The following KCNC2 variants were observed in gnomAD, a reference collection of about 807,000 sequenced individuals.
KCNC2 encodes voltage-gated potassium channel KCNC2.
Under a neutral mutation model 44.5 loss-of-function variants are expected in KCNC2, and 21 were observed. That is an observed-to-expected ratio of 0.47 (90% CI 0.33 to 0.68). The LOEUF (loss-of-function observed/expected upper bound fraction) is 0.68, where lower values mean the gene tolerates loss of function less well. KCNC2 is among the 30% of genes least tolerant of loss of function. The pLI, the probability that KCNC2 is intolerant of heterozygous loss-of-function variation, is 0.01. For missense variants in KCNC2, 589 were observed against 826.2 expected (o/e 0.71, Z 3.52); for synonymous variants, 391 against 339.1 (o/e 1.15, Z -1.68).
intron 2 of KCNC2, among the ~76,000 whole-genome samples, chr12:75,107,619 G>T (rs1202950855): frequency 6.6e-6 from 1 of 151,646 alleles, no homozygotes; most frequent in Non-Finnish European, 1.5e-5. Context: ...CTGTTTATTT[G>T]AATGTATTTC....
chr12:75,175,368 TAAG>T (rs1892113029), intron 2 of KCNC2, among the ~76,000 whole-genome samples: 2 of 151,976 alleles, frequency 1.3e-5, no homozygotes, highest in African/African-American at 4.8e-5. Flanking sequence ...GAATGGCAAA[TAAG>T]TTCCTATGGG....
chr12:75,187,487 T>C (rs1158683401), intron 2 of KCNC2, among the ~76,000 whole-genome samples: 1 of 152,220 alleles, frequency 6.6e-6, no homozygotes, highest in African/African-American at 2.4e-5. Context: ...TTCTCACATA[T>C]CTTCCTTCGA....
Position 75,181,852 on chromosome 12 carries a change from C to T in KCNC2, c.687+25445G>A, listed in dbSNP as rs76149551. Among the ~76,000 whole-genome samples, 19 of 144,050 alleles carry T rather than the reference C, an allele frequency of 1.3e-4. No individual in the cohort carries two copies. The East Asian group carries it at 4.3e-3, about 33-fold the overall frequency. 94.5% of individuals were successfully genotyped at this position (144,050 alleles called of 152,430 possible). ...AAGCATAGGTATAAGTGCTTCACATCTCTTCAATCATTTAATCATTACTAC... is the reference window on the plus strand; with the variant it reads ...AAGCATAGGTATAAGTGCTTCACATTTCTTCAATCATTTAATCATTACTAC... On this transcript the variant is annotated intron_variant, in intron 2 of 4. Coordinates refer to ENST00000549446, the MANE Select transcript of KCNC2 (RefSeq NM_139137.4).
At chr12:75,144,125 A>T (rs1008793321) in intron 2 of KCNC2, among the ~76,000 whole-genome samples, 3 of 152,226 alleles carry the variant, frequency 2.0e-5, no homozygotes, top group Non-Finnish European at 2.9e-5. Context: ...TTTATTGTAC[A>T]AAGATAGATT....
intron 2 of KCNC2, among the ~76,000 whole-genome samples, chr12:75,171,342 G>C (rs1218471227): frequency 6.6e-6 from 1 of 151,794 alleles, no homozygotes; most frequent in Non-Finnish European, 1.5e-5. Context: ...GAGTACAGTA[G>C]GACTGGGAAG....
At chr12:75,162,156 A>G (rs1249388023) in intron 2 of KCNC2, among the ~76,000 whole-genome samples, 1 of 151,724 alleles carries the variant, frequency 6.6e-6, no homozygotes, top group East Asian at 1.9e-4. Context: ...GCATTTCTGT[A>G]TGGCAAGTCT....
Position 75,048,167 on chromosome 12 carries a change from C to G in KCNC2, c.1766G>C (p.Gly589Ala). Residue 589 changes from glycine to alanine, a missense_variant, in exon 4 of 5, where the codon GGA (glycine) becomes GCA (alanine). Transcript: ENST00000549446. ...TGCATGCCTACCTTTCCTGATCCCT[C>G]CATCAGAAGCACACGTGTAATCACC... ...TTGDYTCASD[G>A]GIRKGYEKSR... 1 of 1,612,884 alleles carries G rather than the reference C, an allele frequency of 6.2e-7. No individual in the cohort carries two copies. Among genetic ancestry groups the G allele is most frequent in the Non-Finnish European group, 8.5e-7 (1 of 1,179,220 alleles).
At chr12:75,177,132 A>T (rs1479475007) in intron 2 of KCNC2, among the ~76,000 whole-genome samples, 1 of 151,054 alleles carries the variant, frequency 6.6e-6, no homozygotes, top group African/African-American at 2.4e-5. Flanking sequence ...AGGGAGTGTT[A>T]GTTTGCTAAG....
At chr12:75,190,189 G>A (rs897059527) in intron 2 of KCNC2, among the ~76,000 whole-genome samples, 1 of 151,986 alleles carries the variant, frequency 6.6e-6, no homozygotes, top group Non-Finnish European at 1.5e-5. Context: ...TATGTTGTAG[G>A]GTCATATCCT....
At chr12:75,188,735 C>T (rs1171669042) in intron 2 of KCNC2, among the ~76,000 whole-genome samples, 1 of 151,800 alleles carries the variant, frequency 6.6e-6, no homozygotes, top group African/African-American at 2.4e-5. Context: ...TGGTGCGTGC[C>T]TGTAATCCCA....
intron 2 of KCNC2, among the ~76,000 whole-genome samples, chr12:75,118,033 G>A (rs1389978111): frequency 6.6e-6 from 1 of 152,134 alleles, no homozygotes; most frequent in African/African-American, 2.4e-5. Context: ...CTCAAAACAA[G>A]ACTCATCCTT....
intron 2 of KCNC2, among the ~76,000 whole-genome samples, chr12:75,197,157 T>C (rs1306313383): frequency 6.6e-6 from 1 of 151,978 alleles, no homozygotes; most frequent in African/African-American, 2.4e-5. Context: ...AACTGCAAAT[T>C]TTAAGTAAAC....
At chr12:75,115,084 C>G (rs1565867216) in intron 2 of KCNC2, among the ~76,000 whole-genome samples, 2 of 151,880 alleles carry the variant, frequency 1.3e-5, no homozygotes, top group Non-Finnish European at 2.9e-5. Context: ...AGGATGGTCT[C>G]GATCTCCTGA....
chr12:75,041,959 G>A lies in KCNC2; in HGVS notation c.*1146C>T. On this transcript the variant is annotated 3_prime_UTR_variant, in exon 5 of 5. Transcript: ENST00000549446. ...CAGATGGCATATACAGGAAAGACAG[G>A]GAGCTAAGACAGACAAGAACAACAT... 4.9e-6 allele frequency: 5 copies of A among 1,013,138 alleles called. No individual in the cohort carries two copies. The highest frequency in any genetic ancestry group is 4.7e-6 in the Non-Finnish European group (4 of 848,788). The allele number at this position is 1,013,138 out of a possible 1,614,324, so 62.8% of individuals were successfully genotyped here.
At chr12:75,068,935 C>G (rs927933865) in intron 2 of KCNC2, among the ~76,000 whole-genome samples, 2 of 152,014 alleles carry the variant, frequency 1.3e-5, no homozygotes, top group Non-Finnish European at 2.9e-5. Flanking sequence ...GAAGGAAGGT[C>G]TGTTGTCATT....
chr12:75,126,155 T>C (rs1456533301), intron 2 of KCNC2, among the ~76,000 whole-genome samples: 1 of 152,140 alleles, frequency 6.6e-6, no homozygotes, highest in African/African-American at 2.4e-5. Flanking sequence ...AGTAAACAAA[T>C]TTGTCTTTAT....
chr12:75,185,558 C>A (rs1480503453), intron 2 of KCNC2, among the ~76,000 whole-genome samples: 1 of 151,786 alleles, frequency 6.6e-6, no homozygotes, highest in East Asian at 1.9e-4. Flanking sequence ...AATAAGAAGG[C>A]CCACACTAGA....
chr12:75,167,639 T>G (rs1388012676), intron 2 of KCNC2, among the ~76,000 whole-genome samples: 3 of 151,464 alleles, frequency 2.0e-5, no homozygotes, highest in Non-Finnish European at 4.4e-5. Flanking sequence ...AGGGAAGGCT[T>G]TCTTCCACCA....
intron 2 of KCNC2, among the ~76,000 whole-genome samples, chr12:75,097,361 A>C (rs1217450709): frequency 1.3e-5 from 2 of 152,100 alleles, no homozygotes; most frequent in Non-Finnish European, 2.9e-5. Context: ...AACCCATAGA[A>C]TGTACAGCAC....
Sources: allele counts gnomAD v4.1 joint callset (sites outside exome capture counted in the v4.1 genomes callset), GRCh38; gene constraint gnomAD v4.1.1; transcripts MANE v1.5; gene names NCBI Gene and HGNC (gene_info 2026-07-23, HGNC 2026-07-21).